HERC4: variants seen among roughly 807,000 people sequenced by gnomAD.
The protein encoded by HERC4 is HECT and RLD domain containing E3 ubiquitin protein ligase 4.
HERC4 carries 28 observed loss-of-function variants against 124.3 expected under a neutral mutation model. The observed-to-expected ratio is 0.23, with a 90% confidence interval of 0.17 to 0.31. HERC4 has a LOEUF of 0.31. HERC4 is among the 10% of genes least tolerant of loss of function. The pLI, the probability that HERC4 is intolerant of heterozygous loss-of-function variation, is 1.00. For synonymous variants in HERC4, 407 were observed against 421.5 expected (o/e 0.97, Z 0.42); for missense variants, 713 against 1,229.3 (o/e 0.58, Z 6.28).
At chr10:67,949,487 C>CA (rs888487252) in intron 19 of HERC4, among the ~76,000 whole-genome samples, 1 of 151,866 alleles carries the variant, frequency 6.6e-6, no homozygotes, top group African/African-American at 2.4e-5. Context: ...CACCCCAAAA[C>CA]AAAAAAACAG....
intron 4 of HERC4, among the ~76,000 whole-genome samples, chr10:68,043,940 T>C (rs1338076989): frequency 6.6e-6 from 1 of 152,216 alleles, no homozygotes; most frequent in Non-Finnish European, 1.5e-5. Context: ...TTGGGCTCAC[T>C]GCTATGTACA....
At chr10:68,047,655 T>C (rs1405111453) in intron 3 of HERC4, among the ~76,000 whole-genome samples, 2 of 152,084 alleles carry the variant, frequency 1.3e-5, no homozygotes, top group African/African-American at 2.4e-5. Flanking sequence ...TTATGTCCCA[T>C]GGGAATTACA....
chr10:68,044,667 C>T (rs2133502917), intron 3 of HERC4, 104 bp from the exon 4 acceptor site: 1 of 986,718 alleles, frequency 1.0e-6, no homozygotes, highest in South Asian at 1.6e-5. Flanking sequence ...ACACATTCTT[C>T]ATTTTATACA....
chr10:67,957,599 A>C (rs894978096), intron 16 of HERC4, among the ~76,000 whole-genome samples: 1 of 152,206 alleles, frequency 6.6e-6, no homozygotes. Flanking sequence ...TAAGTATTTT[A>C]ATAGTGCAGT....
intron 3 of HERC4, among the ~76,000 whole-genome samples, chr10:68,059,829 A>AC (rs2040874286): frequency 1.6e-5 from 1 of 61,018 alleles, no homozygotes; most frequent in Non-Finnish European, 2.2e-5. Flanking sequence ...ATATCATAAT[A>AC]TTATATATTA....
chr10:68,032,652 C>A (rs2039267527), intron 7 of HERC4, 126 bp downstream of exon 7: 4 of 554,960 alleles, frequency 7.2e-6, no homozygotes, highest in South Asian at 2.9e-5. Context: ...TCTTTTTTCC[C>A]AGATAAATTA....
intron 19 of HERC4, among the ~76,000 whole-genome samples, chr10:67,947,839 C>CTTTTTTTTTTTTTTTTTTTTTTTTTTTT: frequency 9.3e-6 from 1 of 107,304 alleles, no homozygotes; most frequent in South Asian, 3.3e-4. Flanking sequence ...ACAATACACT[C>CTTTTTTTTTTTTTTTTTTTTTTTTTTTT]TTTTTTTTTT....
intron 23 of HERC4, among the ~76,000 whole-genome samples, chr10:67,929,919 T>C (rs2031597386): frequency 1.3e-5 from 2 of 151,708 alleles, no homozygotes; most frequent in Admixed American, 1.3e-4. Flanking sequence ...GTTCAAGCGA[T>C]TCTCCTGCCT....
intron 3 of HERC4, among the ~76,000 whole-genome samples, chr10:68,051,610 C>T (rs1269675067): frequency 1.3e-5 from 2 of 151,766 alleles, no homozygotes; most frequent in Non-Finnish European, 2.9e-5. Flanking sequence ...CCGCCCGCCT[C>T]GGCCTCCCAA....
intron 15 of HERC4, among the ~76,000 whole-genome samples, chr10:67,982,613 G>A (rs1036517144): frequency 7.9e-5 from 12 of 151,920 alleles, no homozygotes; most frequent in African/African-American, 2.9e-4. Flanking sequence ...AAGCAAAAGT[G>A]GACAAACGGG....
intron 23 of HERC4, among the ~76,000 whole-genome samples, chr10:67,926,400 T>C (rs1306833833): frequency 8.1e-6 from 1 of 124,158 alleles, no homozygotes; most frequent in Non-Finnish European, 1.7e-5. Flanking sequence ...TCCATCTCAA[T>C]AAAAAAAATA....
intron 21 of HERC4, among the ~76,000 whole-genome samples, chr10:67,939,298 A>C (rs2032666599): frequency 6.6e-6 from 1 of 152,212 alleles, no homozygotes; most frequent in Non-Finnish European, 1.5e-5. Flanking sequence ...ATGATAAAGT[A>C]CACAGGTTTA....
rs766514516 is a variant in HERC4, at chr10:68,049,590, C to CAAAAAAAAA, written c.227-5036_227-5028dup. 1.6e-3 allele frequency among the ~76,000 whole-genome samples: 69 copies of CAAAAAAAAA among 42,598 alleles called. 12 individuals are homozygous for CAAAAAAAAA. The highest frequency in any genetic ancestry group is 7.3e-3 in the African/African-American group (62 of 8,516). The allele number at this position is 42,598 out of a possible 152,430, so 27.9% of individuals were successfully genotyped here. A position where few individuals can be genotyped will look rare whatever the true frequency, so the allele number is the denominator to read the frequency against. On this transcript the variant is annotated intron_variant, in intron 3 of 24. Transcript: ENST00000373700. ...TGGGTGACAGAGTGAGACACTGCCACAAAAAAAAAAAAAAAAAAAAAAACA... is the reference window on the plus strand; with the variant it reads ...TGGGTGACAGAGTGAGACACTGCCACAAAAAAAAAAAAAAAAAAAAAAAAAAAAAAAACA...
At chr10:68,016,835 C>A (rs767748530) in intron 8 of HERC4, among the ~76,000 whole-genome samples, 2 of 152,142 alleles carry the variant, frequency 1.3e-5, no homozygotes, top group Non-Finnish European at 2.9e-5. Flanking sequence ...CTAAGAATAA[C>A]TATTCAAATC....
chr10:67,937,705 G>A (rs893545687), intron 21 of HERC4, among the ~76,000 whole-genome samples: 41 of 147,612 alleles, frequency 2.8e-4, no homozygotes, highest in African/African-American at 9.7e-4. Flanking sequence ...TTTTGAGATG[G>A]AGTCTCACTG....
chr10:68,028,812 A>G (rs1337853743), intron 7 of HERC4, among the ~76,000 whole-genome samples: 2 of 152,188 alleles, frequency 1.3e-5, no homozygotes, highest in Non-Finnish European at 2.9e-5. Context: ...ATACAGTAAA[A>G]TAACTACTTC....
chr10:68,002,158 A>C (rs550679657), intron 9 of HERC4, among the ~76,000 whole-genome samples: 6 of 150,246 alleles, frequency 4.0e-5, no homozygotes, highest in Non-Finnish European at 4.4e-5. Context: ...AGCTTAACTG[A>C]AAAAGCCTTT....
At chr10:67,978,221 T>C (rs950186725) in intron 15 of HERC4, among the ~76,000 whole-genome samples, 13 of 152,094 alleles carry the variant, frequency 8.5e-5, no homozygotes, top group Admixed American at 2.6e-4. Context: ...GGAGCTGAGA[T>C]TGCGTCACTG....
At chr10:67,938,171 T>C (rs1463414041) in intron 21 of HERC4, among the ~76,000 whole-genome samples, 1 of 151,372 alleles carries the variant, frequency 6.6e-6, no homozygotes, top group Non-Finnish European at 1.5e-5. Flanking sequence ...GGCCAGGTGC[T>C]GTGGCTCACG....
Sources: gnomAD v4.1 joint callset for allele counts (sites outside exome capture counted in the v4.1 genomes callset) on GRCh38, gnomAD v4.1.1 for gene constraint, MANE v1.5 for transcripts, NCBI Gene and HGNC (gene_info 2026-07-23, HGNC 2026-07-21) for gene names.